ATRNL1: variants seen among roughly 807,000 people sequenced by gnomAD.
ATRNL1 encodes the protein attractin like 1.
In ATRNL1, 95 loss-of-function variants were observed where a neutral mutation model predicts 182.7. That is an observed-to-expected ratio of 0.52 (90% CI 0.44 to 0.62). The LOEUF (loss-of-function observed/expected upper bound fraction) is 0.62, where lower values mean the gene tolerates loss of function less well. Ranked by LOEUF, ATRNL1 falls within the 20% of genes least tolerant of loss-of-function variation. ATRNL1 has a pLI of 0.00. For synonymous variants in ATRNL1, 576 were observed against 568.3 expected (o/e 1.01, Z -0.19); for missense variants, 1,471 against 1,679.5 (o/e 0.88, Z 2.17).
At chr10:115,448,963 G>A (rs533228013) in intron 21 of ATRNL1, among the ~76,000 whole-genome samples, 2 of 152,150 alleles carry the variant, frequency 1.3e-5, no homozygotes, top group South Asian at 2.1e-4. Flanking sequence ...CTATTCCTAC[G>A]GAAACTATTC....
intron 28 of ATRNL1, among the ~76,000 whole-genome samples, chr10:115,930,237 G>A (rs1953353165): frequency 6.6e-6 from 1 of 152,144 alleles, no homozygotes; most frequent in Non-Finnish European, 1.5e-5. Flanking sequence ...TTTAACCACA[G>A]TCATTCTAGA....
chr10:115,215,880 G>T lies in ATRNL1; in HGVS notation c.1532G>T (p.Trp511Leu). 6.5e-7 allele frequency: 1 copy of T among 1,531,794 alleles called. No individual in the cohort carries two copies. The highest frequency in any genetic ancestry group is 8.7e-7 in the Non-Finnish European group (1 of 1,143,168). The allele number at this position is 1,531,794 out of a possible 1,614,324, so 94.9% of individuals were successfully genotyped here. Reference sequence around the variant, plus strand: ...AAATATGAAGTTAACACTAAGACTTGGTGAGTACACAAAATAACACATTTT... The same window carrying T: ...AAATATGAAGTTAACACTAAGACTTTGTGAGTACACAAAATAACACATTTT... The part of the protein sequence containing the change: ...LYKYEVNTKT[W>L]TILKESGFAR... The change falls in exon 9 of 29, where the codon TGG (tryptophan) becomes TTG (leucine). Residue 511 changes from tryptophan (W) to leucine (L), a missense_variant and splice_region_variant. Trp to Leu is a moderately conservative substitution (Grantham distance 61). Around this residue, in one of 3 missense-constraint regions of ATRNL1, gnomAD observed 1,031 missense variants for 1,156.0 expected, o/e 0.89. Coordinates refer to ENST00000355044, the MANE Select transcript of ATRNL1 (RefSeq NM_207303.4).
At chr10:115,413,924 A>C (rs997957465) in intron 20 of ATRNL1, among the ~76,000 whole-genome samples, 16 of 152,058 alleles carry the variant, frequency 1.1e-4, no homozygotes, top group African/African-American at 3.6e-4. Flanking sequence ...TGCACATATA[A>C]ATATACATAT....
chr10:115,307,976 A>C (rs1234792993), intron 17 of ATRNL1, among the ~76,000 whole-genome samples: 1 of 152,104 alleles, frequency 6.6e-6, no homozygotes, highest in Non-Finnish European at 1.5e-5. Flanking sequence ...TGAGTCTTTA[A>C]AATATTTTTA....
intron 26 of ATRNL1, among the ~76,000 whole-genome samples, chr10:115,678,007 G>A (rs537125358): frequency 6.6e-6 from 1 of 152,158 alleles, no homozygotes; most frequent in African/African-American, 2.4e-5. Flanking sequence ...ATAGTGAAAC[G>A]AATGAAAATT....
At chr10:115,379,606 A>G (rs1554950512) in intron 19 of ATRNL1, among the ~76,000 whole-genome samples, 1 of 152,220 alleles carries the variant, frequency 6.6e-6, no homozygotes, top group African/African-American at 2.4e-5. Flanking sequence ...GCAGATTAAT[A>G]TTAAAAGACA....
At chr10:115,690,245 G>A (rs139705392) in intron 26 of ATRNL1, among the ~76,000 whole-genome samples, 1 of 152,102 alleles carries the variant, frequency 6.6e-6, no homozygotes, top group African/African-American at 2.4e-5. Context: ...TTGGAACCAG[G>A]GACCAGTTTC....
intron 18 of ATRNL1, 69 bp downstream of exon 18, chr10:115,315,805 A>G: frequency 1.5e-6 from 2 of 1,311,850 alleles, no homozygotes; most frequent in Non-Finnish European, 2.1e-6. Context: ...TTTTGTTCTT[A>G]TAATAAAGAA....
chr10:115,686,161 A>G (rs1250061308), intron 26 of ATRNL1, among the ~76,000 whole-genome samples: 4 of 152,038 alleles, frequency 2.6e-5, no homozygotes, highest in East Asian at 1.9e-4. Context: ...CATTTGTTCT[A>G]TTTTCTCAGA....
rs149187083 is a variant in ATRNL1 at position 115,423,018 on chromosome 10, C to T, written c.3270-3232C>T. 3.2e-3 allele frequency among the ~76,000 whole-genome samples: 489 copies of T among 152,046 alleles called. 1 individual carries two copies. The highest frequency in any genetic ancestry group is 9.9e-3 in the African/African-American group (411 of 41,446). ...ACCTGTGCATGTACCTCTAGTATAA[C>T]CTAAAATAAAAGTTAAGAAAAATGA... is the stretch of plus-strand genomic sequence containing the variant. On this transcript the variant is annotated intron_variant, in intron 20 of 28. Transcript: ENST00000355044.
At chr10:115,204,169 T>G (rs1848710166) in intron 8 of ATRNL1, among the ~76,000 whole-genome samples, 1 of 152,058 alleles carries the variant, frequency 6.6e-6, no homozygotes, top group Admixed American at 6.6e-5. Context: ...TTTACGGAAT[T>G]TTTAAATTTT....
chr10:115,725,534 G>A (rs975675225), intron 26 of ATRNL1, among the ~76,000 whole-genome samples: 1 of 152,130 alleles, frequency 6.6e-6, no homozygotes, highest in Non-Finnish European at 1.5e-5. Flanking sequence ...ATATGCTGAG[G>A]AGAACAAATA....
chr10:115,604,773 C>T (rs1404578855), intron 26 of ATRNL1, among the ~76,000 whole-genome samples: 1 of 152,060 alleles, frequency 6.6e-6, no homozygotes, highest in Non-Finnish European at 1.5e-5. Flanking sequence ...TGTCTAATAC[C>T]CGGAAGCAAG....
chr10:115,942,288 T>A (rs1374425362), intron 28 of ATRNL1, among the ~76,000 whole-genome samples: 1 of 152,252 alleles, frequency 6.6e-6, no homozygotes, highest in African/African-American at 2.4e-5. Context: ...ATGGAACTTA[T>A]GTCTGCTGGC....
At chr10:115,537,678 T>A (rs1310342945) in intron 25 of ATRNL1, among the ~76,000 whole-genome samples, 1 of 152,218 alleles carries the variant, frequency 6.6e-6, no homozygotes, top group Non-Finnish European at 1.5e-5. Context: ...TTGCCTTTTT[T>A]TCCAGCATTT....
At chr10:115,383,706 G>A (rs1858166889) in intron 19 of ATRNL1, among the ~76,000 whole-genome samples, 1 of 151,598 alleles carries the variant, frequency 6.6e-6, no homozygotes, top group African/African-American at 2.4e-5. Flanking sequence ...ATTTTAAATT[G>A]GATATGTGAG....
At chr10:115,623,596 A>T (rs1305878218) in intron 26 of ATRNL1, among the ~76,000 whole-genome samples, 1 of 152,166 alleles carries the variant, frequency 6.6e-6, no homozygotes, top group Non-Finnish European at 1.5e-5. Context: ...AACTACAAAA[A>T]AACCAAAATA....
chr10:115,134,732 A>C (rs1183564183), intron 5 of ATRNL1, among the ~76,000 whole-genome samples: 1 of 152,222 alleles, frequency 6.6e-6, no homozygotes, highest in Non-Finnish European at 1.5e-5. Context: ...GACACAACAA[A>C]AAAAGAGAAT....
chr10:115,779,748 A>C (rs1002813639), intron 27 of ATRNL1, among the ~76,000 whole-genome samples: 1 of 152,218 alleles, frequency 6.6e-6, no homozygotes, highest in Non-Finnish European at 1.5e-5. Flanking sequence ...TACAGGAAAT[A>C]CTCTCAATGA....
Sources: gnomAD v4.1 joint callset for allele counts (sites outside exome capture counted in the v4.1 genomes callset) on GRCh38, gnomAD v4.1.1 for gene constraint, gnomAD v4.1.1 regional missense constraint, MANE v1.5 for transcripts, NCBI Gene and HGNC (gene_info 2026-07-23, HGNC 2026-07-21) for gene names.